ADK: variants seen among roughly 807,000 people sequenced by gnomAD.
The protein encoded by ADK is N6,N6-dimethyladenosine kinase.
A neutral mutation model predicts 44.7 loss-of-function variants in ADK; 24 were observed. That is an observed-to-expected ratio of 0.54 (90% CI 0.39 to 0.76). The LOEUF (loss-of-function observed/expected upper bound fraction) is 0.76, where lower values mean the gene tolerates loss of function less well. ADK is among the 30% of genes least tolerant of loss of function. ADK has a pLI of 0.00. For synonymous variants in ADK, 128 were observed against 142.6 expected (o/e 0.90, Z 0.73); for missense variants, 321 against 425.1 (o/e 0.76, Z 2.15).
intron 6 of ADK, among the ~76,000 whole-genome samples, chr10:74,497,907 T>C (rs1847748729): frequency 6.6e-6 from 1 of 152,082 alleles, no homozygotes; most frequent in African/African-American, 2.4e-5. Context: ...TTCTTTTTTT[T>C]GAGACGGAGT....
At chr10:74,608,775 C>G (rs1036901673) in intron 9 of ADK, among the ~76,000 whole-genome samples, 1 of 152,152 alleles carries the variant, frequency 6.6e-6, no homozygotes, top group African/African-American at 2.4e-5. Flanking sequence ...TTGCTGCTCT[C>G]TTCAGAGCTG....
intron 3 of ADK, among the ~76,000 whole-genome samples, chr10:74,232,560 C>CA (rs1222813891): frequency 2.4e-4 from 25 of 105,360 alleles, no homozygotes; most frequent in South Asian, 9.3e-4. Flanking sequence ...CCCCCCCCCC[C>CA]AAAAAAAAAC....
At chr10:74,398,647 T>C (rs1843606631) in intron 6 of ADK, 68 bp downstream of exon 6, 3 of 837,658 alleles carry the variant, frequency 3.6e-6, no homozygotes, top group East Asian at 2.8e-5. Flanking sequence ...TTGTCTGATA[T>C]ATATTTTAAA....
chr10:74,459,165 A>T (rs770494708), intron 6 of ADK, among the ~76,000 whole-genome samples: 1 of 151,852 alleles, frequency 6.6e-6, no homozygotes, highest in African/African-American at 2.4e-5. Context: ...CTGTAATCCT[A>T]GCTACTTGGG....
intron 4 of ADK, among the ~76,000 whole-genome samples, chr10:74,392,784 C>G (rs1843380739): frequency 6.6e-6 from 1 of 151,944 alleles, no homozygotes; most frequent in Non-Finnish European, 1.5e-5. Context: ...TTAAACAAAG[C>G]TTTTTACCTT....
chr10:74,284,000 C>A (rs1847055581), intron 3 of ADK, among the ~76,000 whole-genome samples: 1 of 147,920 alleles, frequency 6.8e-6, no homozygotes, highest in Non-Finnish European at 1.5e-5. Flanking sequence ...TTCTTGTTGC[C>A]CAGGCTGGAG....
chr10:74,699,568 T>A (rs1856342072), intron 10 of ADK, among the ~76,000 whole-genome samples: 1 of 152,114 alleles, frequency 6.6e-6, no homozygotes, highest in Non-Finnish European at 1.5e-5. Flanking sequence ...TCTCAGCTAC[T>A]CAGGAGGCTG....
chr10:74,459,727 C>CAAAAAAAAAAAAAAAAAA (rs986375076), intron 6 of ADK, among the ~76,000 whole-genome samples: 1 of 42,800 alleles, frequency 2.3e-5, no homozygotes, highest in Non-Finnish European at 5.1e-5. Context: ...GACTCCATCT[C>CAAAAAAAAAAAAAAAAAA]AAAAAAAAAA....
intron 10 of ADK, among the ~76,000 whole-genome samples, chr10:74,707,184 C>T (rs1317118828): frequency 2.0e-5 from 3 of 152,108 alleles, no homozygotes; most frequent in Non-Finnish European, 4.4e-5. Context: ...TACAGGCATG[C>T]ACCAACATGC....
At chr10:74,689,019 G>A (rs1026221383) in intron 10 of ADK, among the ~76,000 whole-genome samples, 5 of 152,106 alleles carry the variant, frequency 3.3e-5, no homozygotes, top group Non-Finnish European at 7.4e-5. Flanking sequence ...TTGGGAGGCC[G>A]AGACCGGATC....
intron 8 of ADK, among the ~76,000 whole-genome samples, chr10:74,594,382 G>GTGTAGTTCTACCAAAATAATAAAGT (rs796599262): frequency 0.043 from 6,477 of 150,316 alleles, 415 homozygotes; most frequent in African/African-American, 0.14. Context: ...TTCAAATGAA[G>GTGTAGTTCTACCAAAATAATAAAGT]TGTGTGTAAC....
At chr10:74,551,840 C>G (rs1850044508) in intron 7 of ADK, among the ~76,000 whole-genome samples, 1 of 152,110 alleles carries the variant, frequency 6.6e-6, no homozygotes, top group Non-Finnish European at 1.5e-5. Flanking sequence ...TTCAGGACCC[C>G]TCTCACACAT....
chr10:74,211,261 C>A (rs1236926111), intron 2 of ADK, among the ~76,000 whole-genome samples: 1 of 151,966 alleles, frequency 6.6e-6, no homozygotes, highest in African/African-American at 2.4e-5. Flanking sequence ...ATATTTAGGT[C>A]TTTAATTGAC....
intron 3 of ADK, among the ~76,000 whole-genome samples, chr10:74,281,098 A>G (rs893990257): frequency 6.6e-6 from 1 of 152,254 alleles, no homozygotes; most frequent in African/African-American, 2.4e-5. Flanking sequence ...TGAATAAGGT[A>G]TACTCAACTT....
chr10:74,301,049 T>A (rs1455673001), intron 3 of ADK, among the ~76,000 whole-genome samples: 1 of 152,240 alleles, frequency 6.6e-6, no homozygotes, highest in East Asian at 1.9e-4. Context: ...CTGATAGAAT[T>A]CTATAAATGC....
chr10:74,551,481 TGACTA>T (rs1473531600), intron 7 of ADK: 2 of 152,440 alleles, frequency 1.3e-5, no homozygotes, highest in East Asian at 3.8e-4. Flanking sequence ...CTGCTTTACT[TGACTA>T]GCCTTAGGAA....
At chr10:74,397,552 T>A (rs1843561968) in intron 5 of ADK, among the ~76,000 whole-genome samples, 1 of 151,032 alleles carries the variant, frequency 6.6e-6, no homozygotes, top group South Asian at 2.1e-4. Flanking sequence ...TTATTTATTT[T>A]TTAGAGATGT....
At chr10:74,375,483 G>A (rs1377618969) in intron 4 of ADK, among the ~76,000 whole-genome samples, 1 of 152,196 alleles carries the variant, frequency 6.6e-6, no homozygotes, top group Non-Finnish European at 1.5e-5. Context: ...ACTCTCCAGA[G>A]ATGTGGATAT....
At chr10:74,419,832 T>G (rs1245317180) in intron 6 of ADK, among the ~76,000 whole-genome samples, 1 of 152,198 alleles carries the variant, frequency 6.6e-6, no homozygotes, top group Non-Finnish European at 1.5e-5. Context: ...GCATGTAATT[T>G]ACAATGATGT....
Sources: allele counts gnomAD v4.1 joint callset (sites outside exome capture counted in the v4.1 genomes callset), GRCh38; gene constraint gnomAD v4.1.1; transcripts MANE v1.5; gene names NCBI Gene and HGNC (gene_info 2026-07-23, HGNC 2026-07-21).